SH3BGRL2: variants seen among roughly 807,000 people sequenced by gnomAD.
SH3BGRL2 encodes the protein SH3 domain binding glutamate rich protein like 2.
In SH3BGRL2, 21 loss-of-function variants were observed where a neutral mutation model predicts 14.8. That is an observed-to-expected ratio of 1.42 (90% CI 1.01 to 2.05). SH3BGRL2 has a LOEUF of 2.05. Among genes scored for constraint, SH3BGRL2 ranks in the 30% most tolerant of loss-of-function variants. The pLI, the probability that SH3BGRL2 is intolerant of heterozygous loss-of-function variation, is 0.00. For missense variants in SH3BGRL2, 147 were observed against 130.8 expected, an observed-to-expected ratio of 1.12 and a Z score of -0.61; for synonymous variants, 50 against 47.8, an observed-to-expected ratio of 1.05 and a Z score of -0.19.
chr6:79,556,125 A>C, the SH3BGRL2 span, among the ~76,000 whole-genome samples: 1 of 152,162 alleles, frequency 6.6e-6, no homozygotes, highest in South Asian at 2.1e-4. Flanking sequence ...ATATTTATCA[A>C]ATTTCTGCAA....
chr6:79,661,209 T>G (rs1769539329), intron 1 of SH3BGRL2, among the ~76,000 whole-genome samples: 1 of 152,204 alleles, frequency 6.6e-6, no homozygotes, highest in Admixed American at 6.5e-5. Flanking sequence ...TCTAGTTACT[T>G]TAACTGTGAT....
At chr6:79,549,491 G>A in the SH3BGRL2 span, among the ~76,000 whole-genome samples, 3 of 152,010 alleles carry the variant, frequency 2.0e-5, no homozygotes, top group Admixed American at 6.5e-5. Flanking sequence ...TTTACTCTAC[G>A]TGTTCTATGT....
the SH3BGRL2 span, among the ~76,000 whole-genome samples, chr6:79,582,867 A>G: frequency 6.6e-6 from 1 of 152,208 alleles, no homozygotes; most frequent in Non-Finnish European, 1.5e-5. Context: ...AATGGGAGAA[A>G]ATTTTTGCAA....
the SH3BGRL2 span, among the ~76,000 whole-genome samples, chr6:79,612,622 T>C: frequency 6.6e-6 from 1 of 152,344 alleles, no homozygotes; most frequent in Non-Finnish European, 1.5e-5. Context: ...AAAAATCATT[T>C]TGATTTGACT....
At chr6:79,611,600 C>T in the SH3BGRL2 span, among the ~76,000 whole-genome samples, 5 of 151,950 alleles carry the variant, frequency 3.3e-5, no homozygotes, top group South Asian at 6.2e-4. Flanking sequence ...TTAGTAGAGG[C>T]GGGGTTTCGC....
chr6:79,667,502 AGTG>A (rs972672738), intron 1 of SH3BGRL2, among the ~76,000 whole-genome samples: 28 of 151,388 alleles, frequency 1.8e-4, no homozygotes, highest in Non-Finnish European at 1.5e-5. Flanking sequence ...GCTGGAGTGC[AGTG>A]GTGTGATCTC....
At chr6:79,676,627 GTGTGTGTGTGTGTA>G (rs1769887896) in intron 2 of SH3BGRL2, among the ~76,000 whole-genome samples, 2 of 129,522 alleles carry the variant, frequency 1.5e-5, no homozygotes, top group East Asian at 2.3e-4. Context: ...GTGTGTGTGT[GTGTGTGTGTGTGTA>G]TATATATATA....
upstream of SH3BGRL2, among the ~76,000 whole-genome samples, chr6:79,630,349 C>T (rs1233437353): frequency 6.6e-6 from 1 of 152,186 alleles, no homozygotes; most frequent in Admixed American, 6.5e-5. Flanking sequence ...CTCTGCTAAA[C>T]TCCCGTGTTG....
At position 79,631,399 on chromosome 6, in the gene SH3BGRL2, C is replaced by A; in HGVS notation, c.-63C>A. 6.9e-7 allele frequency: 1 copy of A among 1,441,884 alleles called. No homozygotes were observed. The highest frequency in any genetic ancestry group is 9.2e-7 in the Non-Finnish European group (1 of 1,084,524). The allele number at this position is 1,441,884 out of a possible 1,614,324, so 89.3% of individuals were successfully genotyped here. On this transcript the variant is annotated 5_prime_UTR_variant, in exon 1 of 4. Transcript: ENST00000369838. ...GCCGGCGGCTCGTAGCTGGGTTCAG[C>A]TCTGCGTCCACGCCAGCCCGGAGCC...
intron 1 of SH3BGRL2, among the ~76,000 whole-genome samples, chr6:79,645,634 C>T (rs559326871): frequency 6.6e-6 from 1 of 152,238 alleles, no homozygotes; most frequent in East Asian, 1.9e-4. Flanking sequence ...AAGTGGGAAA[C>T]CATAAGATTA....
At chr6:79,633,167 G>A (rs1465351238) in intron 1 of SH3BGRL2, among the ~76,000 whole-genome samples, 2 of 152,080 alleles carry the variant, frequency 1.3e-5, no homozygotes, top group Non-Finnish European at 2.9e-5. Context: ...TTAATGTTTT[G>A]TGTTTTGCAC....
intron 1 of SH3BGRL2, among the ~76,000 whole-genome samples, chr6:79,663,153 CT>C (rs767914138): frequency 4.5e-4 from 68 of 152,294 alleles, no homozygotes; most frequent in Admixed American, 2.2e-3. Context: ...CTTCTGTCTA[CT>C]CGTCAAAGTC....
the SH3BGRL2 span, among the ~76,000 whole-genome samples, chr6:79,562,051 G>A: frequency 1.3e-5 from 2 of 152,114 alleles, no homozygotes; most frequent in African/African-American, 4.8e-5. Context: ...ACTTCCCGCA[G>A]TTGCTTTCTG....
intron 1 of SH3BGRL2, among the ~76,000 whole-genome samples, chr6:79,644,503 A>G (rs888062205): frequency 6.6e-6 from 1 of 152,150 alleles, no homozygotes; most frequent in East Asian, 1.9e-4. Flanking sequence ...CCATCTCTCT[A>G]ATATTAGATT....
chr6:79,625,407 T>C, the SH3BGRL2 span, among the ~76,000 whole-genome samples: 1 of 152,188 alleles, frequency 6.6e-6, no homozygotes, highest in African/African-American at 2.4e-5. Flanking sequence ...AAGCAGTAGA[T>C]AAATTCTCTT....
At chr6:79,539,182 A>C in the SH3BGRL2 span, among the ~76,000 whole-genome samples, 2 of 152,226 alleles carry the variant, frequency 1.3e-5, no homozygotes, top group Non-Finnish European at 2.9e-5. Flanking sequence ...AAAATGTATA[A>C]ATTTACAGAA....
chr6:79,540,119 AT>A, the SH3BGRL2 span, among the ~76,000 whole-genome samples: 1 of 152,104 alleles, frequency 6.6e-6, no homozygotes, highest in African/African-American at 2.4e-5. Context: ...AATCGAATGG[AT>A]TGGTTGAGTT....
the SH3BGRL2 span, among the ~76,000 whole-genome samples, chr6:79,595,971 G>A: frequency 6.6e-6 from 1 of 152,156 alleles, no homozygotes; most frequent in Admixed American, 6.5e-5. Context: ...AGTGAGTTCA[G>A]CTAGGTTGTA....
chr6:79,692,448 T>A (rs1231654235), intron 2 of SH3BGRL2, among the ~76,000 whole-genome samples: 4 of 152,352 alleles, frequency 2.6e-5, no homozygotes, highest in Non-Finnish European at 5.9e-5. Flanking sequence ...ATGTCCTGAA[T>A]GGTATTGCGT....
Sources: allele counts gnomAD v4.1 joint callset (sites outside exome capture counted in the v4.1 genomes callset), GRCh38; gene constraint gnomAD v4.1.1; transcripts MANE v1.5; gene names NCBI Gene and HGNC (gene_info 2026-07-23, HGNC 2026-07-21).